Variants in TENM4 observed in about 807,000 individuals in gnomAD.
The protein encoded by TENM4 is teneurin-4.
TENM4 carries 82 observed loss-of-function variants against 243.3 expected under a neutral mutation model. That is an observed-to-expected ratio of 0.34 (90% CI 0.28 to 0.40). The LOEUF (loss-of-function observed/expected upper bound fraction) is 0.40, where lower values mean the gene tolerates loss of function less well. TENM4 is among the 10% of genes least tolerant of loss of function. The probability of loss-of-function intolerance (pLI) is 1.00; values close to 1 mark genes in which losing one functional copy is unlikely to be tolerated. For missense variants in TENM4, 3,138 were observed against 3,673.3 expected (o/e 0.85, Z 3.77); for synonymous variants, 1,412 against 1,456.3 (o/e 0.97, Z 0.69).
At chr11:79,200,076 A>T (rs138127305) in intron 3 of TENM4, among the ~76,000 whole-genome samples, 189 of 152,324 alleles carry the variant, frequency 1.2e-3, no homozygotes, top group African/African-American at 4.1e-3. Flanking sequence ...CTCTAGAAGC[A>T]TCCAGTCACT....
intron 9 of TENM4, among the ~76,000 whole-genome samples, chr11:78,874,016 G>A (rs571672302): frequency 6.6e-6 from 1 of 152,110 alleles, no homozygotes; most frequent in African/African-American, 2.4e-5. Flanking sequence ...GCCAAAAGTA[G>A]CCACTGCCCT....
At chr11:78,946,709 G>A (rs1857008166) in intron 6 of TENM4, among the ~76,000 whole-genome samples, 1 of 152,198 alleles carries the variant, frequency 6.6e-6, no homozygotes, top group Non-Finnish European at 1.5e-5. Context: ...TCATAGGAGA[G>A]GGGTGAAATA....
chr11:78,784,369 C>T (rs1050875377), intron 16 of TENM4, among the ~76,000 whole-genome samples: 4 of 152,222 alleles, frequency 2.6e-5, no homozygotes, highest in African/African-American at 9.6e-5. Context: ...TCCCCTCCCC[C>T]TTCCCTTATA....
In TENM4 at chr11:79,438,015, G is replaced by A. The variant is rs889010603; in HGVS notation, c.-321+2494C>T. On this transcript the variant is annotated intron_variant, in intron 1 of 33. Coordinates refer to ENST00000278550, the MANE Select transcript of TENM4 (RefSeq NM_001098816.3). The surrounding 1 kb of genome is among the most constrained non-coding windows in gnomAD (Gnocchi z 4.1). Reference sequence around the variant, plus strand: ...TCCGAAGGGCCCCACAGGTCTGCGGGAGGGAGGATTTATTTTACAGCAAGG... The same window carrying A: ...TCCGAAGGGCCCCACAGGTCTGCGGAAGGGAGGATTTATTTTACAGCAAGG... Among the ~76,000 whole-genome samples, 7 of 152,228 alleles carry A rather than the reference G, an allele frequency of 4.6e-5. No homozygotes were observed. Among genetic ancestry groups the A allele is most frequent in the Non-Finnish European group, 8.8e-5 (6 of 68,040 alleles).
At chr11:79,198,258 A>T (rs1198993260) in intron 3 of TENM4, among the ~76,000 whole-genome samples, 1 of 152,188 alleles carries the variant, frequency 6.6e-6, no homozygotes, top group Non-Finnish European at 1.5e-5. Context: ...TGGGTTTCCT[A>T]ACAAAGGCTC....
chr11:79,351,509 C>A lies in TENM4; in HGVS notation c.-320-53966G>T, dbSNP rs1857414763. Among the ~76,000 whole-genome samples, 4 of 152,048 alleles carry A rather than the reference C, an allele frequency of 2.6e-5. No homozygotes were observed. In the South Asian group the frequency reaches 8.3e-4, roughly 32 times the overall value. ...TCACTTGAGATCAGGAGTTTGAGAC[C>A]AGCCTGGCCAGCATGGTGAAACCTC... On this transcript the variant is annotated intron_variant, in intron 1 of 33. Coordinates refer to ENST00000278550, the MANE Select transcript of TENM4 (RefSeq NM_001098816.3).
chr11:79,222,635 C>G (rs1864184578), intron 2 of TENM4, among the ~76,000 whole-genome samples: 1 of 152,210 alleles, frequency 6.6e-6, no homozygotes, highest in Non-Finnish European at 1.5e-5. Flanking sequence ...AATGTAAAAG[C>G]ATTCCTATTT....
intron 4 of TENM4, among the ~76,000 whole-genome samples, chr11:79,075,226 G>C (rs904495093): frequency 1.1e-4 from 16 of 152,206 alleles, no homozygotes; most frequent in African/African-American, 3.9e-4. Flanking sequence ...TATTGATGAA[G>C]AGCCTGCGGC....
At chr11:78,895,797 C>G (rs1299432229) in intron 7 of TENM4, among the ~76,000 whole-genome samples, 1 of 152,184 alleles carries the variant, frequency 6.6e-6, no homozygotes, top group Non-Finnish European at 1.5e-5. Flanking sequence ...AAGTGCCCAG[C>G]ATACAGGAAA....
intron 15 of TENM4, among the ~76,000 whole-genome samples, chr11:78,796,757 A>C (rs1184023340): frequency 6.6e-6 from 1 of 152,212 alleles, no homozygotes; most frequent in Non-Finnish European, 1.5e-5. Flanking sequence ...AAGCTAAGCC[A>C]CTTCAAGCTA....
chr11:78,916,504 A>G (rs116941471), intron 6 of TENM4, among the ~76,000 whole-genome samples: 1,585 of 152,302 alleles, frequency 0.01, 14 homozygotes, highest in South Asian at 0.032. Flanking sequence ...TACAGTCTTT[A>G]GGTCTGGACA....
rs573602029 is a variant in TENM4 at position 78,743,081 on chromosome 11, T to G, written c.2757-4511A>C. 5.3e-5 allele frequency among the ~76,000 whole-genome samples: 8 copies of G among 152,342 alleles called. No individual in the cohort carries two copies. In the South Asian group the frequency reaches 1.7e-3, roughly 32 times the overall value. On this transcript the variant is annotated intron_variant, in intron 19 of 33. Transcript: ENST00000278550. ...ACTGTTTTAATCTCATACTACCCAA[T>G]CCAGCTAAAGCAGCCCTACTGCACG...
intron 18 of TENM4, among the ~76,000 whole-genome samples, chr11:78,762,210 T>G (rs920595006): frequency 6.6e-6 from 1 of 152,186 alleles, no homozygotes; most frequent in African/African-American, 2.4e-5. Context: ...ATCATGGATG[T>G]GAGGCACTTA....
intron 4 of TENM4, among the ~76,000 whole-genome samples, chr11:79,116,365 G>T (rs1218927746): frequency 6.6e-6 from 1 of 152,204 alleles, no homozygotes; most frequent in African/African-American, 2.4e-5. Context: ...TAAAGCTGGG[G>T]TTCAAATTCA....
intron 6 of TENM4, among the ~76,000 whole-genome samples, chr11:78,910,514 C>T (rs1182618123): frequency 2.0e-5 from 3 of 152,234 alleles, no homozygotes; most frequent in African/African-American, 7.2e-5. Context: ...CAGTCGGAAT[C>T]TGATAGCCTG....
At chr11:78,700,819 AG>A (rs1859083913) in intron 28 of TENM4, among the ~76,000 whole-genome samples, 9 of 152,174 alleles carry the variant, frequency 5.9e-5, no homozygotes. Flanking sequence ...CTTTAGATAC[AG>A]GGCCTAATAA....
intron 4 of TENM4, among the ~76,000 whole-genome samples, chr11:79,073,877 G>A (rs1208409904): frequency 6.6e-6 from 1 of 152,216 alleles, no homozygotes; most frequent in Non-Finnish European, 1.5e-5. Flanking sequence ...AAGGCATAAT[G>A]TAGAAAGCTA....
chr11:78,833,146 C>A (rs1446959032), intron 12 of TENM4, among the ~76,000 whole-genome samples: 6 of 152,064 alleles, frequency 3.9e-5, no homozygotes, highest in Non-Finnish European at 8.8e-5. Flanking sequence ...CCCCCTAAAT[C>A]AAAATAATAT....
intron 26 of TENM4, among the ~76,000 whole-genome samples, chr11:78,710,714 T>A (rs1011964961): frequency 6.6e-6 from 1 of 152,198 alleles, no homozygotes; most frequent in African/African-American, 2.4e-5. Context: ...CCTTTTGTTG[T>A]GTTAAATAGA....
Sources: gnomAD v4.1 joint callset for allele counts (sites outside exome capture counted in the v4.1 genomes callset) on GRCh38, gnomAD v4.1.1 for gene constraint, Gnocchi (gnomAD v3.1) non-coding constraint, MANE v1.5 for transcripts, NCBI Gene and HGNC (gene_info 2026-07-23, HGNC 2026-07-21) for gene names.